Variants in MDGA2 observed in about 807,000 individuals in gnomAD.
MDGA2 encodes the protein MAM domain containing glycosylphosphatidylinositol anchor 2, also known as MAM domain-containing glycosylphosphatidylinositol anchor protein 2.
MDGA2 carries 40 observed loss-of-function variants against 117.8 expected under a neutral mutation model. The ratio of observed to expected loss-of-function variants is 0.34; its 90% CI spans 0.26 to 0.44. MDGA2 has a LOEUF of 0.44. MDGA2 is among the 20% of genes least tolerant of loss of function. MDGA2 has a pLI of 1.00. For synonymous variants in MDGA2, 452 were observed against 439.0 expected (o/e 1.03, Z -0.37); for missense variants, 1,123 against 1,250.6 (o/e 0.90, Z 1.54).
chr14:47,580,194 C>T (rs1307551162), intron 1 of MDGA2, among the ~76,000 whole-genome samples: 1 of 151,978 alleles, frequency 6.6e-6, no homozygotes, highest in Non-Finnish European at 1.5e-5. Flanking sequence ...AATTTATACA[C>T]AACAGAAATT....
At chr14:46,933,610 T>A (rs1300078634) in intron 9 of MDGA2, among the ~76,000 whole-genome samples, 1 of 151,368 alleles carries the variant, frequency 6.6e-6, no homozygotes, top group East Asian at 1.9e-4. Flanking sequence ...TTCCATAAGT[T>A]AATTTGATTA....
At chr14:47,359,830 G>T (rs960128972) in intron 1 of MDGA2, among the ~76,000 whole-genome samples, 4 of 150,738 alleles carry the variant, frequency 2.7e-5, no homozygotes, top group Admixed American at 6.6e-5. Context: ...ATGGTTTTTT[G>T]GGTATCACAC....
chr14:47,387,213 G>A (rs565885818), intron 1 of MDGA2, among the ~76,000 whole-genome samples: 2 of 152,008 alleles, frequency 1.3e-5, no homozygotes, highest in African/African-American at 2.4e-5. Context: ...AGGCCAAATC[G>A]GTTCTACAAT....
At chr14:47,237,210 G>T (rs1300669867) in intron 2 of MDGA2, among the ~76,000 whole-genome samples, 1 of 151,734 alleles carries the variant, frequency 6.6e-6, no homozygotes, top group African/African-American at 2.4e-5. Flanking sequence ...AGAAGGTAAG[G>T]TCCTAAAATC....
intron 3 of MDGA2, among the ~76,000 whole-genome samples, chr14:47,194,439 A>T (rs191966863): frequency 4.9e-4 from 74 of 150,620 alleles, no homozygotes; most frequent in South Asian, 1.2e-3. Flanking sequence ...ATATATATAT[A>T]TTTTTTTACA....
intron 14 of MDGA2, among the ~76,000 whole-genome samples, chr14:46,864,039 A>G (rs1387809074): frequency 2.6e-5 from 4 of 151,554 alleles, no homozygotes; most frequent in African/African-American, 4.8e-5. Flanking sequence ...AGCATTAGGT[A>G]TATCTCCCGA....
Position 47,203,022 on chromosome 14 carries a change from GA to G in MDGA2, c.595+14998del, listed in dbSNP as rs1885565375. On this transcript the variant is annotated intron_variant, in intron 3 of 16. Transcript: ENST00000399232. ...TCTCATGTTCAATTTGAAGCTAAAG[GA>G]TTTGTGTTTATGGTCTTAACATATA... Among the ~76,000 whole-genome samples the G allele has an allele frequency of 4.6e-5, 7 of 152,032 alleles. No individual in the cohort carries two copies. The South Asian group carries it at 1.5e-3, about 32-fold the overall frequency.
At chr14:47,638,336 A>C (rs1478680513) in intron 1 of MDGA2, among the ~76,000 whole-genome samples, 1 of 152,162 alleles carries the variant, frequency 6.6e-6, no homozygotes, top group Non-Finnish European at 1.5e-5. Context: ...CTGTGAGAAA[A>C]CTTAGCAACA....
Position 47,213,555 on chromosome 14 carries a change from T to C in MDGA2, c.595+4466A>G, listed in dbSNP as rs183308123. 1.2e-4 allele frequency among the ~76,000 whole-genome samples: 18 copies of C among 152,294 alleles called. No homozygotes were observed. The East Asian group carries it at 3.1e-3, about 26-fold the overall frequency. On this transcript the variant is annotated intron_variant, in intron 3 of 16. Transcript: ENST00000399232. ...TTGGAACTCTTATTATTCAAATGTTTGATCTGCTAGATAAATACTCTAATT... is the reference window on the plus strand; with the variant it reads ...TTGGAACTCTTATTATTCAAATGTTCGATCTGCTAGATAAATACTCTAATT...
rs1594976987 is a variant in MDGA2, at chr14:47,674,950, G to T, written c.-154C>A. ...GTGATGGGAAGGGGAGCTGCGAGGC[G>T]AAGTGTTCTTCAGGGAAGCGGGCTC... On this transcript the variant is annotated 5_prime_UTR_variant, in exon 1 of 17. Coordinates refer to ENST00000399232, the MANE Select transcript of MDGA2 (RefSeq NM_001113498.3). The T allele has an allele frequency of 6.1e-6, 3 of 488,910 alleles. No homozygotes were observed. The highest frequency in any genetic ancestry group is 2.1e-5 in the African/African-American group (1 of 48,738). 30.3% of individuals were successfully genotyped at this position (488,910 alleles called of 1,614,324 possible).
intron 1 of MDGA2, among the ~76,000 whole-genome samples, chr14:47,318,455 C>G (rs1267725075): frequency 6.6e-6 from 1 of 152,110 alleles, no homozygotes; most frequent in African/African-American, 2.4e-5. Context: ...CTCATGGACA[C>G]ATTCCTTGAC....
intron 8 of MDGA2, among the ~76,000 whole-genome samples, chr14:46,967,341 CCCAA>C (rs1459722752): frequency 2.0e-5 from 3 of 152,192 alleles, no homozygotes; most frequent in African/African-American, 7.2e-5. Context: ...CAAAAGCATG[CCCAA>C]CCAAATACTT....
In MDGA2 at chr14:46,918,408, A is replaced by C. The variant is rs192368253; in HGVS notation, c.2238+1604T>G. On this transcript the variant is annotated intron_variant, in intron 10 of 16. Coordinates refer to ENST00000399232, the MANE Select transcript of MDGA2 (RefSeq NM_001113498.3). ...AGGTTATAAAATATTAGCTGTGTTAAGGAAAAAAGAAATAAGCCCACAAAC... is the reference window on the plus strand; with the variant it reads ...AGGTTATAAAATATTAGCTGTGTTACGGAAAAAAGAAATAAGCCCACAAAC... Among the ~76,000 whole-genome samples the C allele has an allele frequency of 5.3e-3, 808 of 152,306 alleles. 10 individuals are homozygous for C. Among genetic ancestry groups the C allele is most frequent in the African/African-American group, 0.019 (782 of 41,570 alleles).
intron 8 of MDGA2, among the ~76,000 whole-genome samples, chr14:46,993,539 A>G (rs1326453831): frequency 6.6e-6 from 1 of 151,292 alleles, no homozygotes; most frequent in Non-Finnish European, 1.5e-5. Context: ...TCAGTTCACT[A>G]CAACCTATGC....
In MDGA2 at chr14:47,638,366, G is replaced by C. The variant is rs192698905; in HGVS notation, c.280+36151C>G. 1.8e-3 allele frequency among the ~76,000 whole-genome samples: 280 copies of C among 152,220 alleles called. 1 individual carries two copies. The highest frequency in any genetic ancestry group is 6.5e-3 in the African/African-American group (269 of 41,534). On this transcript the variant is annotated intron_variant, in intron 1 of 16. Transcript: ENST00000399232. ...GCAACAACAGTACCTAGAGTAATTT[G>C]TGCACCTCAAACAAAAACTGCCTCT...
intron 5 of MDGA2, among the ~76,000 whole-genome samples, chr14:47,108,414 AAT>A (rs1317389275): frequency 2.0e-5 from 3 of 152,322 alleles, no homozygotes; most frequent in African/African-American, 7.2e-5. Context: ...AGAAGAAGTG[AAT>A]ATGCCTTGCC....
chr14:47,388,700 T>C (rs1450265894), intron 1 of MDGA2, among the ~76,000 whole-genome samples: 2 of 152,118 alleles, frequency 1.3e-5, no homozygotes, highest in Non-Finnish European at 2.9e-5. Flanking sequence ...TCTTCTATCA[T>C]GCTTAGAAAT....
At chr14:47,200,530 TTTTC>T (rs1468668347) in intron 3 of MDGA2, 20 of 611,650 alleles carry the variant, frequency 3.3e-5, no homozygotes, top group East Asian at 6.5e-5. Context: ...TTTCTTTTTC[TTTTC>T]TTTTTTTTTT....
chr14:47,284,924 C>T (rs775882235), intron 2 of MDGA2, among the ~76,000 whole-genome samples: 27 of 152,096 alleles, frequency 1.8e-4, no homozygotes, highest in Non-Finnish European at 2.8e-4. Flanking sequence ...AATCCATGAA[C>T]ATACCAAATC....
Sources: allele counts gnomAD v4.1 joint callset (sites outside exome capture counted in the v4.1 genomes callset), GRCh38; gene constraint gnomAD v4.1.1; transcripts MANE v1.5; gene names NCBI Gene and HGNC (gene_info 2026-07-23, HGNC 2026-07-21).